The following MYH14 variants were observed in gnomAD, a reference collection of about 807,000 sequenced individuals.
MYH14 encodes myosin heavy chain 14.
MYH14 carries 123 observed loss-of-function variants against 255.5 expected under a neutral mutation model. The observed-to-expected ratio is 0.48, with a 90% CI of 0.42 to 0.56. The LOEUF (loss-of-function observed/expected upper bound fraction) is 0.56, where lower values mean the gene tolerates loss of function less well. MYH14 is among the 20% of genes least tolerant of loss of function. The probability of loss-of-function intolerance (pLI) is 0.00; values close to 1 mark genes in which losing one functional copy is unlikely to be tolerated. For synonymous variants in MYH14, 1,095 were observed against 1,161.2 expected (o/e 0.94, Z 1.16); for missense variants, 2,423 against 2,802.3 (o/e 0.86, Z 3.06).
intron 16 of MYH14, among the ~76,000 whole-genome samples, chr19:50,253,974 T>A (rs1005768942): frequency 3.9e-5 from 6 of 152,026 alleles, no homozygotes; most frequent in African/African-American, 1.4e-4. Context: ...TCCCAGCACT[T>A]TGGGAGGCCA....
chr19:50,278,401 C>A, intron 30 of MYH14, 112 bp downstream of exon 30: 1 of 759,254 alleles, frequency 1.3e-6, no homozygotes, highest in South Asian at 2.4e-5. Context: ...TTTGGCTCTT[C>A]CAACATAATC....
chr19:50,220,350 TTTTATTTTATTATAC>T (rs200096420), intron 3 of MYH14, among the ~76,000 whole-genome samples: 2,752 of 136,048 alleles, frequency 0.02, 42 homozygotes, highest in Middle Eastern at 0.034. Flanking sequence ...TCAATAAGTA[TTTTATTTTATTATAC>T]TTTATTTTTA....
chr19:50,258,732 A>AAAC (rs113235006), intron 18 of MYH14: 27,456 of 94,788 alleles, frequency 0.29, 3,361 homozygotes, highest in South Asian at 0.41. Flanking sequence ...AAAAAAAAAA[A>AAAC]AAAAAAAAAA....
At position 50,223,303 on chromosome 19, in the gene MYH14, C is replaced by T; in HGVS notation, c.647C>T (p.Ala216Val). ...ENTKKVIQYL[A>V]HVASSPKGRK... ...ACCAAGAAGGTCATCCAGTACCTCG[C>T]CCACGTGGCGTCGTCTCCAAAGGGC... Residue 216 changes from alanine to valine, a missense_variant, in exon 5 of 43, where the codon GCC (alanine) becomes GTC (valine). By Grantham distance (64) the Ala-to-Val change is moderately conservative. Coordinates refer to ENST00000642316, the MANE Select transcript of MYH14 (RefSeq NM_001145809.2). The T allele has an allele frequency of 6.2e-7, 1 of 1,602,488 alleles. No homozygotes were observed. Among genetic ancestry groups the T allele is most frequent in the Non-Finnish European group, 8.5e-7 (1 of 1,174,390 alleles).
chr19:50,309,694 G>A lies in MYH14; in HGVS notation c.6015G>A (p.Glu2005=). The A allele has an allele frequency of 6.2e-7, 1 of 1,609,120 alleles. No homozygotes were observed. Among genetic ancestry groups the A allele is most frequent in the Non-Finnish European group, 8.5e-7 (1 of 1,178,114 alleles). The change falls in exon 43 of 43, where the codon GAG becomes GAA. Residue 2005 remains glutamate, a synonymous_variant. Transcript: ENST00000642316. ...CGGTGCGCCAGGTCTTCCGACTAGAGGAGGGCGTGGCATCCGACGAGGAGG... is the reference window on the plus strand; with the variant it reads ...CGGTGCGCCAGGTCTTCCGACTAGAAGAGGGCGTGGCATCCGACGAGGAGG... The part of the protein sequence containing the change: ...TRTVRQVFRL[E]EGVASDEEAE...
At chr19:50,205,794 G>A (rs2031710348) in intron 1 of MYH14, among the ~76,000 whole-genome samples, 1 of 152,148 alleles carries the variant, frequency 6.6e-6, no homozygotes, top group South Asian at 2.1e-4. Context: ...CCCGGATTCT[G>A]GGGTCTGTAG....
chr19:50,264,623 C>T (rs1490057161), intron 22 of MYH14, among the ~76,000 whole-genome samples: 1 of 152,180 alleles, frequency 6.6e-6, no homozygotes, highest in South Asian at 2.1e-4. Context: ...GCTTGGCTTT[C>T]CTCCGTGATG....
rs899165620 is a variant in MYH14 at position 50,250,300 on chromosome 19, A to G, written c.1657-215A>G. Among the ~76,000 whole-genome samples, 3 of 135,400 alleles carry G rather than the reference A, an allele frequency of 2.2e-5. No individual in the cohort carries two copies. Among genetic ancestry groups the G allele is most frequent in the African/African-American group, 8.1e-5 (3 of 37,148 alleles). 88.8% of individuals were successfully genotyped at this position (135,400 alleles called of 152,430 possible). A position where few individuals can be genotyped will look rare whatever the true frequency, so the allele number is the denominator to read the frequency against. On this transcript the variant is annotated intron_variant, in intron 14 of 42. Coordinates refer to ENST00000642316, the MANE Select transcript of MYH14 (RefSeq NM_001145809.2). This position sits in a 1 kb window ranked among gnomAD's most constrained non-coding sequence, Gnocchi z 5.4. Reference sequence around the variant, plus strand: ...TATTTTTAGTAGAGTCGGGGGTTTCACTGTGTTAGCCAGGATGGTCTCGAT... The same window carrying G: ...TATTTTTAGTAGAGTCGGGGGTTTCGCTGTGTTAGCCAGGATGGTCTCGAT...
chr19:50,287,540 G>T (rs2123440965), intron 34 of MYH14, among the ~76,000 whole-genome samples: 1 of 152,104 alleles, frequency 6.6e-6, no homozygotes, highest in African/African-American at 2.4e-5. Context: ...AGTCTCCCGA[G>T]TAGCAGAGAC....
In MYH14 at chr19:50,231,996, G is replaced by GC; in HGVS notation, c.1042dup (p.Gln348ProfsTer54). 6.2e-7 allele frequency: 1 copy of GC among 1,613,836 alleles called. No individual in the cohort carries two copies. Among genetic ancestry groups the GC allele is most frequent in the Non-Finnish European group, 8.5e-7 (1 of 1,179,910 alleles). On this transcript the variant is annotated frameshift_variant, in exon 10 of 43. Transcript: ENST00000642316. LOFTEE classifies it high-confidence loss of function. ...ACCAACGGGCCGTCATCCTCTCCCGGCCAGGAGCGGGAACTCTTCCAGGAG... is the reference window on the plus strand; with the variant it reads ...ACCAACGGGCCGTCATCCTCTCCCGGCCCAGGAGCGGGAACTCTTCCAGGAG...
chr19:50,254,073 T>C (rs1311549803), intron 16 of MYH14, among the ~76,000 whole-genome samples: 1 of 151,864 alleles, frequency 6.6e-6, no homozygotes, highest in East Asian at 1.9e-4. Flanking sequence ...CAAAATTAGC[T>C]GGGCGTGGTG....
intron 20 of MYH14, 92 bp downstream of exon 20, chr19:50,260,807 A>G (rs2034808693): frequency 6.3e-6 from 6 of 957,148 alleles, no homozygotes; most frequent in Non-Finnish European, 8.0e-6. Context: ...ATATGTGTGC[A>G]TGCGTGTGTG....
chr19:50,258,592 T>A (rs1170084082), intron 18 of MYH14: 1 of 152,226 alleles, frequency 6.6e-6, no homozygotes, highest in African/African-American at 2.4e-5. Flanking sequence ...CATAGTGGTG[T>A]GCACCTATAA....
chr19:50,296,984 T>TGTTTGTTTGTTTG (rs35580414), intron 39 of MYH14, among the ~76,000 whole-genome samples: 2,120 of 151,734 alleles, frequency 0.014, 34 homozygotes, highest in Non-Finnish European at 0.021. Context: ...CTCTGTTTTT[T>TGTTTGTTTGTTTG]TTTGTTTGTT....
At chr19:50,278,944 C>T (rs772738334) in intron 30 of MYH14, among the ~76,000 whole-genome samples, 23 of 151,796 alleles carry the variant, frequency 1.5e-4, no homozygotes, top group Admixed American at 3.9e-4. Context: ...GCTGAGACCG[C>T]GCCATTGCGT....
chr19:50,235,332 T>C (rs1361747056), intron 10 of MYH14, among the ~76,000 whole-genome samples: 1 of 149,620 alleles, frequency 6.7e-6, no homozygotes, highest in African/African-American at 2.5e-5. Context: ...CACTCCAGCT[T>C]GGAGCAGAGC....
In MYH14 at chr19:50,286,182, G is replaced by T. The variant is rs935346309; in HGVS notation, c.4540-300G>T. On this transcript the variant is annotated intron_variant, in intron 33 of 42. Transcript: ENST00000642316. Reference sequence around the variant, plus strand: ...GTCTTAAAAAAAAACAGTAAAGGTTGAAGTACATTTAAAAATATATATATG... The same window carrying T: ...GTCTTAAAAAAAAACAGTAAAGGTTTAAGTACATTTAAAAATATATATATG... 5 of 242,602 alleles carry T rather than the reference G, an allele frequency of 2.1e-5. No homozygotes were observed. The Middle Eastern group carries it at 4.0e-3, about 192-fold the overall frequency. 15.0% of individuals were successfully genotyped at this position (242,602 alleles called of 1,614,324 possible).
At chr19:50,212,206 C>G (rs1344338346) in intron 2 of MYH14, among the ~76,000 whole-genome samples, 3 of 152,090 alleles carry the variant, frequency 2.0e-5, no homozygotes, top group African/African-American at 4.8e-5. Context: ...GGAGCCCCAC[C>G]CCAGAACTTT....
chr19:50,251,827 A>G (rs773545107), intron 15 of MYH14, among the ~76,000 whole-genome samples: 1 of 152,042 alleles, frequency 6.6e-6, no homozygotes, highest in South Asian at 2.1e-4. Flanking sequence ...ATCCACCCGC[A>G]TAGGCCTCCC....
Sources: allele counts gnomAD v4.1 joint callset (sites outside exome capture counted in the v4.1 genomes callset), GRCh38; gene constraint gnomAD v4.1.1; non-coding constraint Gnocchi (gnomAD v3.1); transcripts MANE v1.5; gene names NCBI Gene and HGNC (gene_info 2026-07-23, HGNC 2026-07-21).